The following AGRN variants were observed in gnomAD, a reference collection of about 807,000 sequenced individuals.
AGRN encodes the protein agrin proteoglycan.
Under a neutral mutation model 211.0 loss-of-function variants are expected in AGRN, and 106 were observed. The ratio of observed to expected loss-of-function variants is 0.50; its 90% CI spans 0.43 to 0.59. AGRN has a LOEUF of 0.59. AGRN is among the 20% of genes least tolerant of loss of function. AGRN has a pLI of 0.00. For missense variants in AGRN, 3,040 were observed against 2,982.6 expected, an observed-to-expected ratio of 1.02 and a Z score of -0.45; for synonymous variants, 1,525 against 1,332.5, an observed-to-expected ratio of 1.14 and a Z score of -3.15.
intron 1 of AGRN, among the ~76,000 whole-genome samples, chr1:1,021,156 C>T (rs1456480417): frequency 6.6e-6 from 1 of 152,218 alleles, no homozygotes; most frequent in African/African-American, 2.4e-5. Flanking sequence ...AAGGTGGCAG[C>T]TTCTTTCAGA....
Position 1,044,346 on chromosome 1 carries a change from G to C in AGRN, c.2161G>C (p.Asp721His). The part of the protein sequence containing the change: ...SVPGSPVCGS[D>H]GVTYSTECEL... ...CACCACCCTCCAGGTGTGCGGCTCA[G>C]ATGGGGTCACCTACAGCACCGAGTG... is the stretch of plus-strand genomic sequence containing the variant. Residue 721 changes from aspartate to histidine, a missense_variant, in exon 12 of 36, where the codon GAT (aspartate) becomes CAT (histidine). By Grantham distance (81) the Asp-to-His change is moderately conservative. Transcript: ENST00000379370. 6.2e-7 allele frequency: 1 copy of C among 1,612,786 alleles called. No individual in the cohort carries two copies. Among genetic ancestry groups the C allele is most frequent in the African/African-American group, 1.3e-5 (1 of 75,038 alleles).
rs1245025226 is a variant in AGRN at position 1,031,188 on chromosome 1, T to A, written c.464-4089T>A. Among the ~76,000 whole-genome samples the A allele has an allele frequency of 7.2e-6, 1 of 138,544 alleles. No homozygotes were observed. The highest frequency in any genetic ancestry group is 2.2e-4 in the East Asian group (1 of 4,548). The allele number at this position is 138,544 out of a possible 152,430, so 90.9% of individuals were successfully genotyped here. A position where few individuals can be genotyped will look rare whatever the true frequency, so the allele number is the denominator to read the frequency against. On this transcript the variant is annotated intron_variant, in intron 2 of 35. Transcript: ENST00000379370. This position sits in a 1 kb window ranked among gnomAD's most constrained non-coding sequence, Gnocchi z 4.8. ...TGTGTGTGCAGTGCATGGTGCTGAG[T>A]GTGAGATCAGCATGTGTGTGTGCAG...
intron 4 of AGRN, 46 bp downstream of exon 4, chr1:1,040,926 T>A (rs1185803097): frequency 7.6e-7 from 1 of 1,323,898 alleles, no homozygotes; most frequent in Non-Finnish European, 9.6e-7. Context: ...GGGCGGGGCC[T>A]ATGAGATGGA....
Position 1,046,196 on chromosome 1 carries a change from T to A in AGRN, c.2842T>A (p.Cys948Ser), listed in dbSNP as rs1645087459. The change falls in exon 17 of 36, where the codon TGT becomes AGT. Residue 948 changes from cysteine to serine, a missense_variant. Transcript: ENST00000379370. The stretch of plus-strand genomic sequence containing the variant: ...AGATGGAGTCACATACGGCAACGAG[T>A]GTCAGCTGAAGACCATCGCCTGCCG... ...GSDGVTYGNE[C>S]QLKTIACRQG... 6 of 1,613,608 alleles carry A rather than the reference T, an allele frequency of 3.7e-6. No individual in the cohort carries two copies. The highest frequency in any genetic ancestry group is 1.7e-5 in the Admixed American group (1 of 60,006).
At chr1:1,050,691 G>A (rs893096007) in intron 29 of AGRN, 35 bp from the exon 30 acceptor site, 2 of 1,601,636 alleles carry the variant, frequency 1.2e-6, no homozygotes, top group South Asian at 2.2e-5. Flanking sequence ...GGCCGGTGGT[G>A]GACAGAGCCC....
At position 1,040,956 on chromosome 1, in the gene AGRN, C is replaced by CG. The variant is rs1248072781; in HGVS notation, c.727+80dup. The CG allele has an allele frequency of 5.4e-5, 22 of 407,226 alleles. No individual in the cohort carries two copies. In the African/African-American group the frequency reaches 6.7e-4, roughly 12 times the overall value. The allele number at this position is 407,226 out of a possible 1,614,324, so 25.2% of individuals were successfully genotyped here. A position where few individuals can be genotyped will look rare whatever the true frequency, so the allele number is the denominator to read the frequency against. ...GATGGAGCGAGGCTGGGAGGGGCTT[C>CG]GGGGCCAGTGGGGCGGGGGCAGGGG... On this transcript the variant is annotated intron_variant, in intron 4 of 35. Transcript: ENST00000379370.
chr1:1,045,158 C>G lies in AGRN; in HGVS notation c.2255-3C>G, dbSNP rs199892129. 6.2e-7 allele frequency: 1 copy of G among 1,611,878 alleles called. No homozygotes were observed. Among genetic ancestry groups the G allele is most frequent in the Admixed American group, 1.7e-5 (1 of 60,014 alleles). Reference sequence around the variant, plus strand: ...AATCTGAGTCCCGTACCCTTTCCTGCAGGCCCCACCTTCGCCCCGCTGCCG... The same window carrying G: ...AATCTGAGTCCCGTACCCTTTCCTGGAGGCCCCACCTTCGCCCCGCTGCCG... On this transcript the variant is annotated splice_region_variant and splice_polypyrimidine_tract_variant and intron_variant, in intron 12 of 35. Transcript: ENST00000379370.
intron 22 of AGRN, 31 bp from the exon 23 acceptor site, chr1:1,047,981 A>C: frequency 6.4e-7 from 1 of 1,569,452 alleles, no homozygotes. Flanking sequence ...CCCTGCTCCC[A>C]GGAAACCCTA....
intron 14 of AGRN, 90 bp downstream of exon 14, chr1:1,045,613 T>C (rs1645069350): frequency 1.2e-6 from 2 of 1,604,678 alleles, no homozygotes; most frequent in Non-Finnish European, 8.5e-7. Flanking sequence ...GCCCAGGCCC[T>C]GGCCTGACCC....
In AGRN at chr1:1,043,443, G is replaced by A. The variant is rs139590454; in HGVS notation, c.1589G>A (p.Arg530His). The change falls in exon 8 of 36, where the codon CGC (arginine) becomes CAC (histidine). Residue 530 changes from arginine (R) to histidine (H), a missense_variant. Coordinates refer to ENST00000379370, the MANE Select transcript of AGRN (RefSeq NM_198576.4). ...CTCGGGCGGGAGATCCAGGTGGCGC[G>A]CAAAGGACCCTGTGGTCAGTGGCGG... The part of the protein sequence containing the change: ...CTLGREIQVA[R>H]KGPCDRCGQC... The A allele has an allele frequency of 2.6e-5, 42 of 1,605,908 alleles. No homozygotes were observed. The highest frequency in any genetic ancestry group is 1.6e-4 in the East Asian group (7 of 44,738).
In AGRN at chr1:1,050,546, G is replaced by A. The variant is rs777269140; in HGVS notation, c.5096G>A (p.Arg1699His). ...GTGTCGCTGGCACTGCGGGACCGCCGCCTGGAGTTCCGCTACGACCTGGGC... is the reference window on the plus strand; with the variant it reads ...GTGTCGCTGGCACTGCGGGACCGCCACCTGGAGTTCCGCTACGACCTGGGC... ...DFVSLALRDR[R>H]LEFRYDLGKG... Residue 1699 changes from arginine to histidine, a missense_variant, in exon 29 of 36, where the codon CGC (arginine) becomes CAC (histidine). Physicochemically the swap from Arg to His is conservative, Grantham distance 29. This residue lies in a region of AGRN where 1,537 missense variants were observed against 1,505.0 expected (regional missense o/e 1.02). Coordinates refer to ENST00000379370, the MANE Select transcript of AGRN (RefSeq NM_198576.4). The A allele has an allele frequency of 3.1e-5, 50 of 1,612,514 alleles. No individual in the cohort carries two copies. Among genetic ancestry groups the A allele is most frequent in the East Asian group, 6.7e-5 (3 of 44,862 alleles).
chr1:1,043,861 T>C lies in AGRN; in HGVS notation c.1837T>C (p.Cys613Arg). The change falls in exon 10 of 36, where the codon TGC becomes CGC. Residue 613 changes from cysteine to arginine, a missense_variant. By Grantham distance (180) the Cys-to-Arg change is radical. This residue lies in a region of AGRN where 1,498 missense variants were observed against 1,457.8 expected (regional missense o/e 1.03). Transcript: ENST00000379370. Reference sequence around the variant, plus strand: ...TGCCGTGTGTGCTTTTGGGGCTGTGTGCTCCGCAGGGCAGTGTGTGTGTCC... The same window carrying C: ...TGCCGTGTGTGCTTTTGGGGCTGTGCGCTCCGCAGGGCAGTGTGTGTGTCC... The part of the protein sequence containing the change: ...GDAVCAFGAV[C>R]SAGQCVCPRC... 2 of 1,611,308 alleles carry C rather than the reference T, an allele frequency of 1.2e-6. No individual in the cohort carries two copies. Among genetic ancestry groups the C allele is most frequent in the Non-Finnish European group, 1.7e-6 (2 of 1,179,750 alleles).
Position 1,045,821 on chromosome 1 carries a change from C to A in AGRN, c.2625C>A (p.Pro875=). The A allele has an allele frequency of 6.2e-7, 1 of 1,612,730 alleles. No homozygotes were observed. ...LCSCKPGVAG[P]KCGQCPDGRA... is the part of the protein sequence containing the mutation. ...CGTGTAAGCCCGGGGTGGCTGGACCCAAGTGTGGGCAGTGTCCAGACGGCC... is the reference window on the plus strand; with the variant it reads ...CGTGTAAGCCCGGGGTGGCTGGACCAAAGTGTGGGCAGTGTCCAGACGGCC... Residue 875 remains proline, a synonymous_variant, in exon 15 of 36, where the codon CCC becomes CCA. Transcript: ENST00000379370.
rs750193265 is a variant in AGRN, at chr1:1,051,763, T to TCAA, written c.5599_5600insCAA (p.Leu1867delinsSerMet). ...GAAGTCAGCGGGGGACGTGGATACC[T>TCAA]TGGCCTTTGACGGGCGGACCTTTGT... On this transcript the variant is annotated protein_altering_variant, in exon 33 of 36. Coordinates refer to ENST00000379370, the MANE Select transcript of AGRN (RefSeq NM_198576.4). 6.2e-7 allele frequency: 1 copy of TCAA among 1,613,858 alleles called. No individual in the cohort carries two copies. Among genetic ancestry groups the TCAA allele is most frequent in the Non-Finnish European group, 8.5e-7 (1 of 1,179,968 alleles).
chr1:1,035,169 T>TGGGGGGGGGGG (rs56001364), intron 2 of AGRN, 108 bp from the exon 3 acceptor site: 2 of 882,624 alleles, frequency 2.3e-6, no homozygotes. Context: ...GGGCTAGCGG[T>TGGGGGGGGGGG]GGGGGGGGGG....
At chr1:1,030,118 C>T (rs527945039) in intron 2 of AGRN, among the ~76,000 whole-genome samples, 6 of 53,492 alleles carry the variant, frequency 1.1e-4, no homozygotes, top group African/African-American at 4.7e-4. Context: ...TGTGTGTGTG[C>T]AGTGCATGGT....
chr1:1,047,223 C>T, intron 19 of AGRN, 104 bp from the exon 20 acceptor site: 1 of 1,508,116 alleles, frequency 6.6e-7, no homozygotes, highest in Non-Finnish European at 8.9e-7. Flanking sequence ...TGACTAACAT[C>T]CACCTTCCCT....
Position 1,043,692 on chromosome 1 carries a change from A to G in AGRN, c.1758A>G (p.Thr586=). 2 of 1,600,418 alleles carry G rather than the reference A, an allele frequency of 1.2e-6. No individual in the cohort carries two copies. Among genetic ancestry groups the G allele is most frequent in the Non-Finnish European group, 8.5e-7 (1 of 1,179,672 alleles). The stretch of plus-strand genomic sequence containing the variant: ...GCATGCTGCACGTGCACGCCTGCAC[A>G]CACCAGATCAGCCTGCACGTGGCCT... ...SECMLHVHAC[T]HQISLHVASA... Residue 586 remains threonine, a synonymous_variant, in exon 9 of 36, where the codon ACA becomes ACG. Coordinates refer to ENST00000379370, the MANE Select transcript of AGRN (RefSeq NM_198576.4).
Position 1,047,900 on chromosome 1 carries a change from G to GC in AGRN, c.3751+6dup. On this transcript the variant is annotated splice_donor_region_variant and intron_variant, in intron 22 of 35. Transcript: ENST00000379370. ...ACGTGCGATTTATGGACTTTGGTGA[G>GC]CGCCAGGCCACGAGCCACAGCTTAC... 1 of 1,602,150 alleles carries GC rather than the reference G, an allele frequency of 6.2e-7. No individual in the cohort carries two copies. The highest frequency in any genetic ancestry group is 8.5e-7 in the Non-Finnish European group (1 of 1,175,594).
Sources: gnomAD v4.1 joint callset for allele counts (sites outside exome capture counted in the v4.1 genomes callset) on GRCh38, gnomAD v4.1.1 for gene constraint, gnomAD v4.1.1 regional missense constraint, Gnocchi (gnomAD v3.1) non-coding constraint, MANE v1.5 for transcripts, NCBI Gene and HGNC (gene_info 2026-07-23, HGNC 2026-07-21) for gene names.